The following MAGI3 variants were observed in gnomAD, a reference collection of about 807,000 sequenced individuals.
The protein encoded by MAGI3 is membrane-associated guanylate kinase, WW and PDZ domain-containing protein 3.
In MAGI3, 43 loss-of-function variants were observed where a neutral mutation model predicts 121.8. The observed-to-expected ratio is 0.35, with a 90% CI of 0.28 to 0.46. The LOEUF (loss-of-function observed/expected upper bound fraction) is 0.46, where lower values mean the gene tolerates loss of function less well. Ranked by LOEUF, MAGI3 falls within the 20% of genes least tolerant of loss-of-function variation. The pLI is 1.00. For synonymous variants in MAGI3, 553 were observed against 639.3 expected (o/e 0.86, Z 2.04); for missense variants, 1,547 against 1,797.3 (o/e 0.86, Z 2.52).
At chr1:113,455,522 C>G (rs1654708144) in intron 1 of MAGI3, among the ~76,000 whole-genome samples, 1 of 152,036 alleles carries the variant, frequency 6.6e-6, no homozygotes, top group Non-Finnish European at 1.5e-5. Context: ...CATTCTTTTC[C>G]CTTGGGCTCC....
intron 14 of MAGI3, among the ~76,000 whole-genome samples, chr1:113,653,166 A>G (rs1211509808): frequency 1.3e-5 from 2 of 152,250 alleles, no homozygotes; most frequent in African/African-American, 4.8e-5. Context: ...AATGAATATC[A>G]GTCACTGAGC....
chr1:113,527,274 C>T (rs1437358328), intron 1 of MAGI3, among the ~76,000 whole-genome samples: 1 of 151,994 alleles, frequency 6.6e-6, no homozygotes, highest in African/African-American at 2.4e-5. Flanking sequence ...CTGATGCATT[C>T]ACATTTGGAT....
rs528801343 is a variant in MAGI3, at chr1:113,453,443, C to T, written c.316+62094C>T. Among the ~76,000 whole-genome samples, 3 of 152,070 alleles carry T rather than the reference C, an allele frequency of 2.0e-5. No homozygotes were observed. The South Asian group carries it at 6.2e-4, about 32-fold the overall frequency. On this transcript the variant is annotated intron_variant, in intron 1 of 20. Transcript: ENST00000307546. ...CCTTTCCAAAGCTTTCAGTGTTTTCCCAAAACATTTATCTGTTTTCATAGA... is the reference window on the plus strand; with the variant it reads ...CCTTTCCAAAGCTTTCAGTGTTTTCTCAAAACATTTATCTGTTTTCATAGA...
At chr1:113,673,591 T>A in intron 19 of MAGI3, 126 bp downstream of exon 19, 1 of 1,064,458 alleles carries the variant, frequency 9.4e-7, no homozygotes, top group Non-Finnish European at 1.3e-6. Flanking sequence ...TTGTCATCAC[T>A]GGTAGCTAAA....
chr1:113,649,816 T>G (rs1369385694), intron 13 of MAGI3, among the ~76,000 whole-genome samples: 1 of 152,202 alleles, frequency 6.6e-6, no homozygotes, highest in African/African-American at 2.4e-5. Context: ...TCTGTTACCT[T>G]TGAAACTAGA....
Position 113,622,981 on chromosome 1 carries a change from G to GA in MAGI3, c.1351dup (p.Ile451AsnfsTer48). 6.6e-7 allele frequency: 1 copy of GA among 1,517,692 alleles called. No homozygotes were observed. The highest frequency in any genetic ancestry group is 8.8e-7 in the Non-Finnish European group (1 of 1,141,430). The allele number at this position is 1,517,692 out of a possible 1,614,324, so 94.0% of individuals were successfully genotyped here. ...AAGATGGTCCCGCAGCTCAGGATGG[G>GA]AAAATTGCACCAGGTAAGAAATTTT... On this transcript the variant is annotated frameshift_variant, in exon 9 of 21. Coordinates refer to ENST00000307546, the MANE Select transcript of MAGI3 (RefSeq NM_001142782.2). LOFTEE classifies it high-confidence loss of function.
chr1:113,627,018 GA>G (rs1651284032), intron 9 of MAGI3, among the ~76,000 whole-genome samples: 1 of 151,864 alleles, frequency 6.6e-6, no homozygotes, highest in Non-Finnish European at 1.5e-5. Flanking sequence ...GATGCATCAT[GA>G]GGTTATTTAT....
At chr1:113,612,846 C>T (rs982572107) in intron 6 of MAGI3, among the ~76,000 whole-genome samples, 1 of 152,114 alleles carries the variant, frequency 6.6e-6, no homozygotes, top group Non-Finnish European at 1.5e-5. Flanking sequence ...ACTATTAGTA[C>T]ATCCCTTTTA....
At chr1:113,634,045 T>G (rs927018664) in intron 9 of MAGI3, among the ~76,000 whole-genome samples, 1 of 151,790 alleles carries the variant, frequency 6.6e-6, no homozygotes, top group Non-Finnish European at 1.5e-5. Flanking sequence ...TTTTGAGAAG[T>G]GTCTGTTCAT....
chr1:113,580,707 C>T lies in MAGI3; in HGVS notation c.553+46C>T, dbSNP rs202085559. The T allele has an allele frequency of 7.3e-5, 109 of 1,500,646 alleles. 1 individual carries two copies. Among genetic ancestry groups the T allele is most frequent in the Middle Eastern group, 1.8e-4 (1 of 5,622 alleles). 93.0% of individuals were successfully genotyped at this position (1,500,646 alleles called of 1,614,324 possible). ...ACTACCACCCAAAAAACTATCTGAA[C>T]GACTGGAATTATTTCAGAGGGAATT... On this transcript the variant is annotated intron_variant, in intron 3 of 20. Transcript: ENST00000307546.
At chr1:113,425,719 T>C (rs1383197487) in intron 1 of MAGI3, among the ~76,000 whole-genome samples, 2 of 152,194 alleles carry the variant, frequency 1.3e-5, no homozygotes, top group Non-Finnish European at 2.9e-5. Context: ...TATTCCTTTA[T>C]TATCCTTTAA....
At chr1:113,591,322 C>T (rs1570910791) in intron 5 of MAGI3, among the ~76,000 whole-genome samples, 1 of 152,006 alleles carries the variant, frequency 6.6e-6, no homozygotes, top group African/African-American at 2.4e-5. Context: ...TATATTCTCA[C>T]GTAGCTGTAA....
chr1:113,650,036 T>C (rs956387941), intron 13 of MAGI3, among the ~76,000 whole-genome samples: 3 of 152,080 alleles, frequency 2.0e-5, no homozygotes, highest in Non-Finnish European at 2.9e-5. Flanking sequence ...ATTTGCATTT[T>C]ATTTTATATA....
chr1:113,511,781 T>C (rs1377840801), intron 1 of MAGI3, among the ~76,000 whole-genome samples: 3 of 152,218 alleles, frequency 2.0e-5, no homozygotes, highest in Non-Finnish European at 2.9e-5. Context: ...TTCCATAAAA[T>C]TTAATTTCTA....
chr1:113,618,829 CTG>C (rs1387795051), intron 7 of MAGI3, among the ~76,000 whole-genome samples: 3 of 152,194 alleles, frequency 2.0e-5, no homozygotes, highest in Admixed American at 1.3e-4. Context: ...AAGTGGAAAA[CTG>C]TAGCATATGC....
At position 113,531,681 on chromosome 1, in the gene MAGI3, G is replaced by A. The variant is rs112763034; in HGVS notation, c.317-17834G>A. 1.3e-3 allele frequency among the ~76,000 whole-genome samples: 151 copies of A among 118,468 alleles called. 1 individual carries two copies. The highest frequency in any genetic ancestry group is 4.5e-3 in the African/African-American group (139 of 31,124). 77.7% of individuals were successfully genotyped at this position (118,468 alleles called of 152,430 possible). A position where few individuals can be genotyped will look rare whatever the true frequency, so the allele number is the denominator to read the frequency against. ...TTTGTTTTGGTGGTAGTTTTTCCCC[G>A]ACTCTATGTTTGAACATAAGTGGTA... On this transcript the variant is annotated intron_variant, in intron 1 of 20. Transcript: ENST00000307546.
intron 1 of MAGI3, among the ~76,000 whole-genome samples, chr1:113,420,199 G>A (rs1247577145): frequency 6.6e-6 from 1 of 152,162 alleles, no homozygotes. Context: ...CAGAATTGTT[G>A]TAGATAGGAT....
chr1:113,625,225 G>C (rs1025515500), intron 9 of MAGI3, among the ~76,000 whole-genome samples: 1 of 152,100 alleles, frequency 6.6e-6, no homozygotes, highest in African/African-American at 2.4e-5. Flanking sequence ...TTCTATTTCT[G>C]TGAAGAATGT....
intron 1 of MAGI3, among the ~76,000 whole-genome samples, chr1:113,537,565 G>A (rs774771304): frequency 6.6e-6 from 1 of 152,190 alleles, no homozygotes; most frequent in Non-Finnish European, 1.5e-5. Context: ...GGGGATGTCA[G>A]TGGAGGCCTT....
Sources: allele counts gnomAD v4.1 joint callset (sites outside exome capture counted in the v4.1 genomes callset), GRCh38; gene constraint gnomAD v4.1.1; transcripts MANE v1.5; gene names NCBI Gene and HGNC (gene_info 2026-07-23, HGNC 2026-07-21).